SLC25A31: variants seen among roughly 807,000 people sequenced by gnomAD.
SLC25A31 encodes ADP/ATP translocase 4.
In SLC25A31, 40 loss-of-function variants were observed where a neutral mutation model predicts 36.2. The ratio of observed to expected loss-of-function variants is 1.10; its 90% CI spans 0.86 to 1.44. SLC25A31 has a LOEUF of 1.44. Ranked by LOEUF, SLC25A31 falls within the 40% of genes most tolerant of loss-of-function variation. The pLI is 0.00. For synonymous variants in SLC25A31, 143 were observed against 149.7 expected (o/e 0.96, Z 0.32); for missense variants, 350 against 397.1 (o/e 0.88, Z 1.01).
intron 2 of SLC25A31, among the ~76,000 whole-genome samples, chr4:127,755,440 A>G (rs1227170646): frequency 6.6e-6 from 1 of 152,222 alleles, no homozygotes; most frequent in Non-Finnish European, 1.5e-5. Context: ...AAATACTTTC[A>G]TAATATAAAA....
chr4:127,773,561 TTGG>T lies in SLC25A31; in HGVS notation c.940_942del (p.Gly314del), dbSNP rs759407830. ...ATTAAAGAATTCTTTCATATTGATA[TTGG>T]TGGTAGGTAATCGGGAGAGTAAATT... On this transcript the variant is annotated inframe_deletion, in exon 6 of 6. Coordinates refer to ENST00000281154, the MANE Select transcript of SLC25A31 (RefSeq NM_031291.4). The T allele has an allele frequency of 2.5e-6, 4 of 1,598,592 alleles. No individual in the cohort carries two copies. Among genetic ancestry groups the T allele is most frequent in the Non-Finnish European group, 3.4e-6 (4 of 1,174,508 alleles).
chr4:127,745,810 T>A (rs949344459), intron 2 of SLC25A31, among the ~76,000 whole-genome samples: 2 of 152,162 alleles, frequency 1.3e-5, no homozygotes, highest in Non-Finnish European at 2.9e-5. Context: ...GAGGTTTTTT[T>A]ACTTTTATTT....
Position 127,766,060 on chromosome 4 carries a change from C to G in SLC25A31, c.479-1006C>G, listed in dbSNP as rs187067675. On this transcript the variant is annotated intron_variant, in intron 3 of 5. Coordinates refer to ENST00000281154, the MANE Select transcript of SLC25A31 (RefSeq NM_031291.4). Reference sequence around the variant, plus strand: ...CAGAAAATACTGGAAAAATATGACCCCTTCATATGAAATGTTAACTATCTT... The same window carrying G: ...CAGAAAATACTGGAAAAATATGACCGCTTCATATGAAATGTTAACTATCTT... Among the ~76,000 whole-genome samples the G allele has an allele frequency of 3.6e-3, 551 of 151,732 alleles. 2 individuals carry two copies. The highest frequency in any genetic ancestry group is 6.1e-3 in the Non-Finnish European group (417 of 67,938).
chr4:127,734,682 C>T (rs1578653982), intron 1 of SLC25A31, among the ~76,000 whole-genome samples: 1 of 151,698 alleles, frequency 6.6e-6, no homozygotes, highest in Admixed American at 6.6e-5. Flanking sequence ...TTTCCCAAAC[C>T]CATTTTTCTG....
At chr4:127,734,044 A>G (rs1309773230) in intron 1 of SLC25A31, among the ~76,000 whole-genome samples, 1 of 152,188 alleles carries the variant, frequency 6.6e-6, no homozygotes, top group Admixed American at 6.5e-5. Flanking sequence ...TCACCTGCCA[A>G]CTTTGTATGT....
chr4:127,761,765 G>A lies in SLC25A31; in HGVS notation c.361-2478G>A, dbSNP rs1168365104. Among the ~76,000 whole-genome samples, 5 of 152,150 alleles carry A rather than the reference G, an allele frequency of 3.3e-5. No individual in the cohort carries two copies. The East Asian group carries it at 5.8e-4, about 18-fold the overall frequency. ...CATACATGTGTAATTTTTCTTAGGA[G>A]AGGATCTATAGCTTTAAACAGTCTC... On this transcript the variant is annotated intron_variant, in intron 2 of 5. Coordinates refer to ENST00000281154, the MANE Select transcript of SLC25A31 (RefSeq NM_031291.4).
chr4:127,768,968 A>G, intron 5 of SLC25A31, 91 bp downstream of exon 5: 5 of 1,204,668 alleles, frequency 4.2e-6, no homozygotes, highest in African/African-American at 1.6e-5. Flanking sequence ...GTTGGCTGAA[A>G]GGCATAAGTC....
chr4:127,741,254 T>C (rs1404360920), intron 1 of SLC25A31, among the ~76,000 whole-genome samples: 1 of 152,194 alleles, frequency 6.6e-6, no homozygotes, highest in Non-Finnish European at 1.5e-5. Context: ...GAACTTAAGG[T>C]ACTATATTGA....
At chr4:127,744,527 A>G (rs368683204) in intron 1 of SLC25A31, 145 bp from the exon 2 acceptor site, 6 of 653,992 alleles carry the variant, frequency 9.2e-6, no homozygotes, top group Admixed American at 3.5e-5. Context: ...TTATTTTTCA[A>G]TGGAGACACA....
intron 1 of SLC25A31, among the ~76,000 whole-genome samples, chr4:127,734,598 A>G (rs1156356557): frequency 7.1e-6 from 1 of 141,828 alleles, no homozygotes; most frequent in African/African-American, 2.6e-5. Flanking sequence ...GTACAGTCTC[A>G]TTTTTACAAG....
chr4:127,742,083 G>A (rs1731742752), intron 1 of SLC25A31, among the ~76,000 whole-genome samples: 1 of 151,900 alleles, frequency 6.6e-6, no homozygotes. Flanking sequence ...ATACCAACCA[G>A]CACTGGATCT....
Position 127,774,270 on chromosome 4 carries a change from C to A in SLC25A31, c.*696C>A, listed in dbSNP as rs1732425402. 1 of 152,150 alleles carries A rather than the reference C, an allele frequency of 6.6e-6. No homozygotes were observed. Among genetic ancestry groups the A allele is most frequent in the African/African-American group, 2.4e-5 (1 of 41,406 alleles). 9.4% of individuals were successfully genotyped at this position (152,150 alleles called of 1,614,324 possible). On this transcript the variant is annotated 3_prime_UTR_variant, in exon 6 of 6. Transcript: ENST00000281154. ...AAAATTAGTTTGTATATTTTGTTGA[C>A]AATAAAGGAAGCTTAACTGTTATAA...
At chr4:127,758,614 T>G (rs915890912) in intron 2 of SLC25A31, among the ~76,000 whole-genome samples, 3 of 152,224 alleles carry the variant, frequency 2.0e-5, no homozygotes, top group Admixed American at 1.3e-4. Context: ...ATATTTAATT[T>G]TAGTCTTTAA....
At chr4:127,760,876 A>C (rs1233642213) in intron 2 of SLC25A31, among the ~76,000 whole-genome samples, 2 of 152,150 alleles carry the variant, frequency 1.3e-5, no homozygotes, top group East Asian at 3.8e-4. Flanking sequence ...CGTCTCTACT[A>C]AAAATACAAA....
At chr4:127,751,005 G>A (rs556050776) in intron 2 of SLC25A31, among the ~76,000 whole-genome samples, 4 of 152,098 alleles carry the variant, frequency 2.6e-5, no homozygotes, top group Non-Finnish European at 5.9e-5. Flanking sequence ...GCTTACTTTA[G>A]CCTTAAGTAT....
chr4:127,751,948 G>T (rs1296840817), intron 2 of SLC25A31, among the ~76,000 whole-genome samples: 1 of 152,178 alleles, frequency 6.6e-6, no homozygotes, highest in Non-Finnish European at 1.5e-5. Context: ...TGGAGAAATA[G>T]GAACACTTTG....
At chr4:127,771,673 A>G (rs190017154) in intron 5 of SLC25A31, among the ~76,000 whole-genome samples, 13 of 152,220 alleles carry the variant, frequency 8.5e-5, no homozygotes, top group Admixed American at 7.2e-4. Flanking sequence ...TGGCAACCTT[A>G]TCTTGTTCCT....
In SLC25A31 at chr4:127,773,730, T is replaced by A; in HGVS notation, c.*156T>A. ...TACATTTTTTCAAGAATTTAAATAC[T>A]AAAAATCAGATAAATGTGGATTTTC... is the stretch of plus-strand genomic sequence containing the variant. On this transcript the variant is annotated 3_prime_UTR_variant, in exon 6 of 6. Coordinates refer to ENST00000281154, the MANE Select transcript of SLC25A31 (RefSeq NM_031291.4). The A allele has an allele frequency of 3.7e-6, 2 of 546,112 alleles. No individual in the cohort carries two copies. Among genetic ancestry groups the A allele is most frequent in the Non-Finnish European group, 5.8e-6 (2 of 343,530 alleles). The allele number at this position is 546,112 out of a possible 1,614,324, so 33.8% of individuals were successfully genotyped here. A position where few individuals can be genotyped will look rare whatever the true frequency, so the allele number is the denominator to read the frequency against.
chr4:127,773,800 T>C lies in SLC25A31; in HGVS notation c.*226T>C, dbSNP rs1732415689. 2.8e-6 allele frequency: 1 copy of C among 357,020 alleles called. No homozygotes were observed. Among genetic ancestry groups the C allele is most frequent in the Non-Finnish European group, 5.0e-6 (1 of 201,612 alleles). 22.1% of individuals were successfully genotyped at this position (357,020 alleles called of 1,614,324 possible). On this transcript the variant is annotated 3_prime_UTR_variant, in exon 6 of 6. Coordinates refer to ENST00000281154, the MANE Select transcript of SLC25A31 (RefSeq NM_031291.4). ...ACATTTTAGTGTGATATTTCATTTA[T>C]TATAGGTAGTATATTTTAATTTGTT...
Sources: gnomAD v4.1 joint callset for allele counts (sites outside exome capture counted in the v4.1 genomes callset) on GRCh38, gnomAD v4.1.1 for gene constraint, MANE v1.5 for transcripts, NCBI Gene and HGNC (gene_info 2026-07-23, HGNC 2026-07-21) for gene names.